Variants in FGD4 observed in about 807,000 individuals in gnomAD.
FGD4 encodes the protein FYVE, RhoGEF and PH domain-containing protein 4.
In FGD4, 42 loss-of-function variants were observed where a neutral mutation model predicts 102.0. The ratio of observed to expected loss-of-function variants is 0.41; its 90% confidence interval spans 0.32 to 0.53. FGD4 has a LOEUF of 0.53. FGD4 is among the 20% of genes least tolerant of loss of function. The pLI is 0.21. For missense variants in FGD4, 902 were observed against 1,078.2 expected, an observed-to-expected ratio of 0.84 and a Z score of 2.29; for synonymous variants, 380 against 375.7, an observed-to-expected ratio of 1.01 and a Z score of -0.13.
chr12:32,545,747 T>C (rs1943181315), intron 1 of FGD4, among the ~76,000 whole-genome samples: 1 of 152,244 alleles, frequency 6.6e-6, no homozygotes, highest in African/African-American at 2.4e-5. Flanking sequence ...GTGGCCTCTG[T>C]TGCAAGGTGT....
At chr12:32,559,809 T>A (rs1169536620) in intron 1 of FGD4, among the ~76,000 whole-genome samples, 1 of 152,252 alleles carries the variant, frequency 6.6e-6, no homozygotes, top group Non-Finnish European at 1.5e-5. Context: ...ACATTTTTCA[T>A]ATTTTAATGT....
intron 4 of FGD4, among the ~76,000 whole-genome samples, chr12:32,594,118 A>G (rs531268435): frequency 6.6e-6 from 1 of 152,306 alleles, no homozygotes; most frequent in East Asian, 1.9e-4. Context: ...CCCGTAGGCC[A>G]CGGACTGGTA....
rs140786462 is a variant in FGD4 at position 32,439,674 on chromosome 12, G to T, written c.166+39715G>T. Among the ~76,000 whole-genome samples, 879 of 152,202 alleles carry T rather than the reference G, an allele frequency of 5.8e-3. 4 individuals carry two copies. The highest frequency in any genetic ancestry group is 0.02 in the African/African-American group (832 of 41,530). ...AGTCTTCTTTGGGTTAAATCTGCTT[G>T]GTGTTCTGTAACCTTTTACTTGGAT... is the stretch of plus-strand genomic sequence containing the variant. On this transcript the variant is annotated intron_variant, in intron 1 of 16. Transcript: ENST00000534526.
At chr12:32,602,056 A>T in intron 6 of FGD4, 105 bp from the exon 7 acceptor site, 2 of 1,000,396 alleles carry the variant, frequency 2.0e-6, no homozygotes, top group Non-Finnish European at 3.1e-6. Context: ...TCGAGGTTGC[A>T]GTGAGCTGTG....
At chr12:32,473,031 G>A (rs1465546845) in intron 1 of FGD4, among the ~76,000 whole-genome samples, 3 of 151,540 alleles carry the variant, frequency 2.0e-5, no homozygotes, top group African/African-American at 7.3e-5. Flanking sequence ...TCTGTATCTA[G>A]CTGCTCTGGT....
At chr12:32,486,148 G>A in intron 1 of FGD4, 3 of 1,526,722 alleles carry the variant, frequency 2.0e-6, no homozygotes, top group Non-Finnish European at 1.7e-6. Context: ...GGGGCTGTGA[G>A]TATTGTTTTG....
At chr12:32,415,708 C>T (rs1306615161) in intron 1 of FGD4, among the ~76,000 whole-genome samples, 1 of 152,186 alleles carries the variant, frequency 6.6e-6, no homozygotes, top group Non-Finnish European at 1.5e-5. Flanking sequence ...GCGTGAGCCA[C>T]CGCGCCCAGC....
At chr12:32,468,613 A>G (rs1164762145) in intron 1 of FGD4, among the ~76,000 whole-genome samples, 2 of 152,246 alleles carry the variant, frequency 1.3e-5, no homozygotes, top group East Asian at 3.9e-4. Context: ...GCAGTGGCTC[A>G]TGCCTGTAAA....
rs559082479 is a variant in FGD4 at position 32,523,878 on chromosome 12, T to C, written c.167-40259T>C. The stretch of plus-strand genomic sequence containing the variant: ...CTGTAGTCCCAGCTGTTCTGGAGGC[T>C]GAGGCAGGAGAATGGCGTGAACCCG... On this transcript the variant is annotated intron_variant, in intron 1 of 16. Coordinates refer to ENST00000534526, the MANE Select transcript of FGD4 (RefSeq NM_001370298.3). Among the ~76,000 whole-genome samples the C allele has an allele frequency of 4.7e-4, 71 of 152,154 alleles. No homozygotes were observed. In the South Asian group the frequency reaches 7.0e-3, roughly 15 times the overall value.
intron 1 of FGD4, among the ~76,000 whole-genome samples, chr12:32,515,390 T>TTGTTG: frequency 6.6e-6 from 1 of 152,174 alleles, no homozygotes; most frequent in Non-Finnish European, 1.5e-5. Flanking sequence ...TCCCAGATGA[T>TTGTTG]TGCACAAAGC....
intron 5 of FGD4, 93 bp from the exon 6 acceptor site, chr12:32,601,185 A>G: frequency 7.5e-7 from 1 of 1,334,660 alleles, no homozygotes; most frequent in East Asian, 2.5e-5. Context: ...TTTGCTCAAT[A>G]AAAAGTTACT....
chr12:32,548,101 T>G (rs943846203), intron 1 of FGD4, among the ~76,000 whole-genome samples: 15 of 152,212 alleles, frequency 9.9e-5, no homozygotes, highest in African/African-American at 3.6e-4. Context: ...TATCCCTTCC[T>G]GAAGCTATAT....
intron 14 of FGD4, among the ~76,000 whole-genome samples, chr12:32,630,808 A>G (rs577660166): frequency 3.8e-5 from 5 of 132,168 alleles, no homozygotes; most frequent in African/African-American, 9.7e-5. Context: ...GAGTGAGACT[A>G]TGTCAAAAAA....
At chr12:32,611,338 G>A in intron 10 of FGD4, 55 bp downstream of exon 10, 1 of 1,601,074 alleles carries the variant, frequency 6.2e-7, no homozygotes, top group Non-Finnish European at 8.5e-7. Context: ...AAATATGGCT[G>A]GGCACGGTGG....
At chr12:32,632,709 AT>A (rs1218752600) in intron 14 of FGD4, among the ~76,000 whole-genome samples, 1 of 124,406 alleles carries the variant, frequency 8.0e-6, no homozygotes, top group African/African-American at 3.2e-5. Context: ...TTATTTATTT[AT>A]TTATTTTTTT....
intron 1 of FGD4, among the ~76,000 whole-genome samples, chr12:32,494,158 C>T (rs1030457528): frequency 6.6e-6 from 1 of 152,210 alleles, no homozygotes; most frequent in African/African-American, 2.4e-5. Context: ...CCTGCCTCAA[C>T]CTTGCGAGTA....
chr12:32,506,825 A>T lies in FGD4; in HGVS notation c.167-57312A>T, dbSNP rs2136650236. On this transcript the variant is annotated intron_variant, in intron 1 of 16. Coordinates refer to ENST00000534526, the MANE Select transcript of FGD4 (RefSeq NM_001370298.3). The surrounding 1 kb of genome is among the most constrained non-coding windows in gnomAD (Gnocchi z 4.5). Reference sequence around the variant, plus strand: ...GTAGTGGGAAGAGACAGAATACAAAAGTAAAGAGATAAGTAAACAACATAA... The same window carrying T: ...GTAGTGGGAAGAGACAGAATACAAATGTAAAGAGATAAGTAAACAACATAA... Among the ~76,000 whole-genome samples, 1 of 152,318 alleles carries T rather than the reference A, an allele frequency of 6.6e-6. No homozygotes were observed. Among genetic ancestry groups the T allele is most frequent in the Non-Finnish European group, 1.5e-5 (1 of 68,022 alleles).
At chr12:32,608,415 C>T (rs540544992) in intron 8 of FGD4, among the ~76,000 whole-genome samples, 1 of 152,292 alleles carries the variant, frequency 6.6e-6, no homozygotes, top group South Asian at 2.1e-4. Context: ...TATAGCCATT[C>T]AGAATTACAA....
intron 1 of FGD4, among the ~76,000 whole-genome samples, chr12:32,491,141 A>C (rs568478178): frequency 1.3e-5 from 2 of 151,012 alleles, no homozygotes; most frequent in East Asian, 3.9e-4. Flanking sequence ...TTAAAAAAAA[A>C]AAAAAAAAAC....
Sources: allele counts gnomAD v4.1 joint callset (sites outside exome capture counted in the v4.1 genomes callset), GRCh38; gene constraint gnomAD v4.1.1; non-coding constraint Gnocchi (gnomAD v3.1); transcripts MANE v1.5; gene names NCBI Gene and HGNC (gene_info 2026-07-23, HGNC 2026-07-21).